The following TRIM42 variants were observed in gnomAD, a reference collection of about 807,000 sequenced individuals.
TRIM42 encodes the protein tripartite motif containing 42.
TRIM42 carries 59 observed loss-of-function variants against 64.9 expected under a neutral mutation model. The observed-to-expected ratio is 0.91, with a 90% CI of 0.74 to 1.13. TRIM42 has a LOEUF of 1.13. Ranked by LOEUF, TRIM42 falls within the 50% of genes most tolerant of loss-of-function variation. The pLI is 0.00. For missense variants in TRIM42, 878 were observed against 929.5 expected (o/e 0.94, Z 0.72); for synonymous variants, 354 against 346.3 (o/e 1.02, Z -0.25).
Position 140,682,741 on chromosome 3 carries a change from G to C in TRIM42, c.621G>C (p.Glu207Asp). 6.2e-7 allele frequency: 1 copy of C among 1,612,924 alleles called. No homozygotes were observed. Among genetic ancestry groups the C allele is most frequent in the Admixed American group, 1.7e-5 (1 of 60,028 alleles). The change falls in exon 2 of 5, where the codon GAG (glutamate) becomes GAC (aspartate). Residue 207 changes from glutamate (E) to aspartate (D), a missense_variant. Glu to Asp is a conservative substitution (Grantham distance 45, BLOSUM62 2). Coordinates refer to ENST00000286349, the MANE Select transcript of TRIM42 (RefSeq NM_152616.5). ...MPYSNKMQLP[E>D]NYLHGRLTKR... ...ACAGCAACAAGATGCAGCTGCCCGA[G>C]AACTACCTGCACGGGCGTCTCACCA...
At chr3:140,694,703 CTG>C (rs1255407754) in intron 4 of TRIM42, among the ~76,000 whole-genome samples, 1 of 152,218 alleles carries the variant, frequency 6.6e-6, no homozygotes, top group East Asian at 1.9e-4. Flanking sequence ...TGGGTAAAAT[CTG>C]TGTCAGCCAT....
intron 4 of TRIM42, among the ~76,000 whole-genome samples, chr3:140,692,954 C>G (rs1055775852): frequency 1.3e-5 from 2 of 152,222 alleles, no homozygotes; most frequent in Non-Finnish European, 2.9e-5. Context: ...CTCAGTCCCT[C>G]TTGGCTTTTC....
At position 140,678,129 on chromosome 3, in the gene TRIM42, G is replaced by A. The variant is rs898854261; in HGVS notation, c.-101G>A. On this transcript the variant is annotated 5_prime_UTR_variant, in exon 1 of 5. Transcript: ENST00000286349. ...TGCAACTTTCAAGCTGACGGCCTCA[G>A]GAATGGGAGGAAGGACTCCTCCACT... 9.0e-7 allele frequency: 1 copy of A among 1,115,140 alleles called. No homozygotes were observed. Among genetic ancestry groups the A allele is most frequent in the Admixed American group, 2.0e-5 (1 of 49,256 alleles). The allele number at this position is 1,115,140 out of a possible 1,614,324, so 69.1% of individuals were successfully genotyped here.
intron 2 of TRIM42, among the ~76,000 whole-genome samples, chr3:140,683,598 T>C (rs1056837288): frequency 1.3e-5 from 2 of 152,214 alleles, no homozygotes; most frequent in Non-Finnish European, 2.9e-5. Context: ...AGATGTTCTG[T>C]CACTGTTGGA....
chr3:140,687,584 T>C, intron 2 of TRIM42, 138 bp from the exon 3 acceptor site: 1 of 649,656 alleles, frequency 1.5e-6, no homozygotes, highest in East Asian at 2.7e-5. Flanking sequence ...TCCAGCCTGT[T>C]TCAGCCCAAC....
chr3:140,683,265 G>T, intron 2 of TRIM42, 106 bp downstream of exon 2: 1 of 1,187,492 alleles, frequency 8.4e-7, no homozygotes, highest in Non-Finnish European at 1.2e-6. Context: ...ATTCCACCTA[G>T]TGGAGCAATC....
At chr3:140,684,175 C>T (rs1026521187) in intron 2 of TRIM42, among the ~76,000 whole-genome samples, 2 of 152,128 alleles carry the variant, frequency 1.3e-5, no homozygotes, top group African/African-American at 2.4e-5. Context: ...TTAAAATGTC[C>T]TCCATGGATA....
intron 4 of TRIM42, among the ~76,000 whole-genome samples, chr3:140,694,437 T>C (rs2107766045): frequency 6.6e-6 from 1 of 152,304 alleles, no homozygotes; most frequent in South Asian, 2.1e-4. Context: ...TGACCTCAGT[T>C]TCTTCCCCTG....
At chr3:140,697,972 C>A (rs769364867) in intron 4 of TRIM42, among the ~76,000 whole-genome samples, 3 of 152,080 alleles carry the variant, frequency 2.0e-5, no homozygotes, top group African/African-American at 7.2e-5. Context: ...CATGAGCCAC[C>A]GCGCCTGGCC....
chr3:140,688,689 C>A, intron 3 of TRIM42, 147 bp downstream of exon 3: 2 of 626,278 alleles, frequency 3.2e-6, no homozygotes, highest in South Asian at 2.8e-5. Flanking sequence ...GTGGTCATCC[C>A]ATTCAAAAGG....
intron 4 of TRIM42, among the ~76,000 whole-genome samples, chr3:140,700,286 T>G (rs1484101932): frequency 6.6e-6 from 1 of 152,168 alleles, no homozygotes; most frequent in Non-Finnish European, 1.5e-5. Context: ...TTCACTGTAA[T>G]TAAAGATAGT....
In TRIM42 at chr3:140,682,260, G is replaced by A. The variant is rs571395281; in HGVS notation, c.342-202G>A. Among the ~76,000 whole-genome samples the A allele has an allele frequency of 3.3e-5, 5 of 152,282 alleles. No homozygotes were observed. The South Asian group carries it at 1.0e-3, about 32-fold the overall frequency. On this transcript the variant is annotated intron_variant, in intron 1 of 4. Transcript: ENST00000286349. The stretch of plus-strand genomic sequence containing the variant: ...ATTTTATAACAAGGAAACAGGCCGA[G>A]AGGTTAACTGGCTTACCTGAGGTCA...
chr3:140,691,221 T>G, intron 4 of TRIM42, 29 bp downstream of exon 4: 1 of 1,579,002 alleles, frequency 6.3e-7, no homozygotes, highest in Non-Finnish European at 8.7e-7. Flanking sequence ...CTCAGACAGA[T>G]TTTTTTTTCT....
At chr3:140,691,722 C>T (rs2107764019) in intron 4 of TRIM42, among the ~76,000 whole-genome samples, 1 of 152,202 alleles carries the variant, frequency 6.6e-6, no homozygotes, top group East Asian at 1.9e-4. Context: ...CGAGAAACTG[C>T]CACTAAGCAG....
Position 140,700,819 on chromosome 3 carries a change from T to G in TRIM42, c.2086-69T>G. On this transcript the variant is annotated intron_variant, in intron 4 of 4. Coordinates refer to ENST00000286349, the MANE Select transcript of TRIM42 (RefSeq NM_152616.5). ...GAAATGATGTGTGTAGTGTCTGACA[T>G]GCAGAAGGGCCCAGGCTACTGGGAG... 4.2e-6 allele frequency: 6 copies of G among 1,429,478 alleles called. No homozygotes were observed. In the East Asian group the frequency reaches 1.4e-4, roughly 33 times the overall value. The allele number at this position is 1,429,478 out of a possible 1,614,324, so 88.5% of individuals were successfully genotyped here. A position where few individuals can be genotyped will look rare whatever the true frequency, so the allele number is the denominator to read the frequency against.
At chr3:140,699,110 C>T (rs1379592689) in intron 4 of TRIM42, among the ~76,000 whole-genome samples, 1 of 152,006 alleles carries the variant, frequency 6.6e-6, no homozygotes, top group Non-Finnish European at 1.5e-5. Context: ...CTCCTTCAGG[C>T]CATTATTAAT....
rs573507777 is a variant in TRIM42 at position 140,688,091 on chromosome 3, A to C, written c.1409A>C (p.His470Pro). The C allele has an allele frequency of 4.2e-5, 67 of 1,613,966 alleles. No individual in the cohort carries two copies. The Middle Eastern group carries it at 4.9e-4, about 12-fold the overall frequency. The change falls in exon 3 of 5, where the codon CAC (histidine) becomes CCC (proline). Residue 470 changes from histidine (H) to proline (P), a missense_variant. Physicochemically the swap from His to Pro is moderately conservative, Grantham distance 77. Transcript: ENST00000286349. ...TYRPDPQLRL[H>P]SINYVPLDFV... Reference sequence around the variant, plus strand: ...AGGCCTGACCCACAGCTCCGGCTGCACTCAATAAACTACGTGCCCTTGGAC... The same window carrying C: ...AGGCCTGACCCACAGCTCCGGCTGCCCTCAATAAACTACGTGCCCTTGGAC...
rs779187707 is a variant in TRIM42, at chr3:140,678,524, A to G, written c.295A>G (p.Thr99Ala). Residue 99 changes from threonine to alanine, a missense_variant, in exon 1 of 5, where the codon ACC becomes GCC. Transcript: ENST00000286349. The stretch of plus-strand genomic sequence containing the variant: ...CTATGAGAGCCGCTGCTGCCGCAAT[A>G]CCATCATCACTTTCCACAAGGGCCG... The part of the protein sequence containing the change: ...YYYESRCCRN[T>A]IITFHKGRLR... 15 of 1,613,868 alleles carry G rather than the reference A, an allele frequency of 9.3e-6. No individual in the cohort carries two copies. The highest frequency in any genetic ancestry group is 2.7e-5 in the African/African-American group (2 of 74,882).
intron 3 of TRIM42, 46 bp downstream of exon 3, chr3:140,688,588 C>A (rs756297294): frequency 1.3e-6 from 2 of 1,501,638 alleles, no homozygotes; most frequent in South Asian, 1.3e-5. Context: ...GGGTGTGGGG[C>A]ACAGAGTAGA....
Sources: gnomAD v4.1 joint callset for allele counts (sites outside exome capture counted in the v4.1 genomes callset) on GRCh38, gnomAD v4.1.1 for gene constraint, MANE v1.5 for transcripts, NCBI Gene and HGNC (gene_info 2026-07-23, HGNC 2026-07-21) for gene names.